The following UBE3D variants were observed in gnomAD, a reference collection of about 807,000 sequenced individuals.
The protein encoded by UBE3D is E3 ubiquitin-protein ligase E3D.
In UBE3D, 48 loss-of-function variants were observed where a neutral mutation model predicts 49.6. That is an observed-to-expected ratio of 0.97 (90% CI 0.77 to 1.23). The LOEUF (loss-of-function observed/expected upper bound fraction) is 1.23, where lower values mean the gene tolerates loss of function less well. Ranked by LOEUF, UBE3D falls within the 50% of genes most tolerant of loss-of-function variation. The pLI, the probability that UBE3D is intolerant of heterozygous loss-of-function variation, is 0.00. For missense variants in UBE3D, 452 were observed against 468.4 expected, an observed-to-expected ratio of 0.96 and a Z score of 0.32; for synonymous variants, 189 against 174.2, an observed-to-expected ratio of 1.08 and a Z score of -0.67.
chr6:83,003,052 CTTA>C (rs1198939768), intron 8 of UBE3D, among the ~76,000 whole-genome samples: 2 of 152,034 alleles, frequency 1.3e-5, no homozygotes, highest in African/African-American at 2.4e-5. Flanking sequence ...TTCAAAATCA[CTTA>C]TTAATACAGT....
intron 7 of UBE3D, 108 bp from the exon 8 acceptor site, chr6:83,019,244 A>G (rs1292987824): frequency 9.6e-7 from 1 of 1,046,844 alleles, no homozygotes; most frequent in Non-Finnish European, 1.3e-6. Context: ...GAAAAAATAA[A>G]TATGAGAATC....
At chr6:82,946,628 C>T (rs1006808210) in intron 9 of UBE3D, among the ~76,000 whole-genome samples, 20 of 152,176 alleles carry the variant, frequency 1.3e-4, no homozygotes, top group African/African-American at 4.8e-4. Context: ...AACACTGTAA[C>T]TGTGGTATGT....
chr6:83,023,598 C>A (rs1781251517), intron 6 of UBE3D, among the ~76,000 whole-genome samples: 1 of 152,178 alleles, frequency 6.6e-6, no homozygotes, highest in Admixed American at 6.5e-5. Context: ...CTGGATGTAA[C>A]TGGAGACTAT....
At chr6:82,957,541 G>C in intron 8 of UBE3D, 91 bp from the exon 9 acceptor site, 1 of 1,413,712 alleles carries the variant, frequency 7.1e-7, no homozygotes, top group Admixed American at 2.4e-5. Context: ...AATTGTGAGA[G>C]AAAAAGGCAA....
intron 3 of UBE3D, 65 bp downstream of exon 3, chr6:83,054,083 T>G: frequency 5.0e-6 from 7 of 1,402,908 alleles, no homozygotes; most frequent in Non-Finnish European, 7.1e-6. Flanking sequence ...CTTGAAAAAT[T>G]CTGATAGAAA....
At chr6:83,030,505 G>A (rs902564998) in intron 5 of UBE3D, among the ~76,000 whole-genome samples, 1 of 152,194 alleles carries the variant, frequency 6.6e-6, no homozygotes, top group Non-Finnish European at 1.5e-5. Flanking sequence ...TCAGCCATGT[G>A]GAACTGTGGG....
At chr6:83,040,378 A>ACTCTCT (rs59340440) in intron 4 of UBE3D, among the ~76,000 whole-genome samples, 1 of 146,860 alleles carries the variant, frequency 6.8e-6, no homozygotes, top group Admixed American at 6.8e-5. Flanking sequence ...AGCGAGACTG[A>ACTCTCT]CTCTCTCTCT....
intron 9 of UBE3D, among the ~76,000 whole-genome samples, chr6:82,906,200 T>C (rs9444020): frequency 0.22 from 33,589 of 151,900 alleles, 5,019 homozygotes; most frequent in African/African-American, 0.43. Flanking sequence ...CATATTACAA[T>C]TAATAAGTCT....
chr6:82,992,048 C>T (rs1482887357), intron 8 of UBE3D, among the ~76,000 whole-genome samples: 1 of 151,936 alleles, frequency 6.6e-6, no homozygotes, highest in African/African-American at 2.4e-5. Context: ...ATTACATTTT[C>T]TTTTGTTTTA....
At chr6:82,924,921 A>G (rs946131165) in intron 9 of UBE3D, 3 of 152,286 alleles carry the variant, frequency 2.0e-5, no homozygotes, top group Non-Finnish European at 4.4e-5. Context: ...ATTGTTCATC[A>G]TATCTGCTGG....
downstream of UBE3D, among the ~76,000 whole-genome samples, chr6:82,888,149 A>G (rs1313766572): frequency 6.6e-6 from 1 of 152,018 alleles, no homozygotes; most frequent in African/African-American, 2.4e-5. Flanking sequence ...AAAGCCTGCC[A>G]TGTCCTTTTT....
At chr6:83,037,096 G>A (rs1201717234) in intron 5 of UBE3D, 1 of 152,138 alleles carries the variant, frequency 6.6e-6, no homozygotes, top group Non-Finnish European at 1.5e-5. Flanking sequence ...TAGAAGTCTA[G>A]TAGCTGTATA....
intron 3 of UBE3D, among the ~76,000 whole-genome samples, chr6:83,048,770 TTTAAGAACAAAAGA>T (rs1396801512): frequency 2.0e-5 from 3 of 152,290 alleles, no homozygotes; most frequent in Middle Eastern, 3.4e-3. Flanking sequence ...ACATAAAACA[TTTAAGAACAAAAGA>T]TTTTAATCAT....
chr6:83,052,888 G>C (rs1158982879), intron 3 of UBE3D, among the ~76,000 whole-genome samples: 1 of 152,216 alleles, frequency 6.6e-6, no homozygotes, highest in Non-Finnish European at 1.5e-5. Flanking sequence ...AATGGATGAG[G>C]AGTTGGCAAC....
chr6:83,061,796 AT>A (rs1413675071), intron 1 of UBE3D, among the ~76,000 whole-genome samples: 2 of 152,136 alleles, frequency 1.3e-5, no homozygotes, highest in Non-Finnish European at 2.9e-5. Flanking sequence ...CTTTTTGTTT[AT>A]TTTCATGGAG....
chr6:83,030,405 A>G (rs1781783087), intron 5 of UBE3D, among the ~76,000 whole-genome samples: 2 of 152,082 alleles, frequency 1.3e-5, no homozygotes, highest in African/African-American at 4.8e-5. Context: ...TTTATAAAAG[A>G]CAGTTCCCCT....
At position 83,051,903 on chromosome 6, in the gene UBE3D, G is replaced by A. The variant is rs567679535; in HGVS notation, c.365+2245C>T. On this transcript the variant is annotated intron_variant, in intron 3 of 9. Transcript: ENST00000369747. ...CTGGGACACTGACAGAAATCAGGAA[G>A]CAAGCAAGAGAGGTTGGTAGAAGGC... Among the ~76,000 whole-genome samples the A allele has an allele frequency of 7.9e-5, 12 of 152,316 alleles. No individual in the cohort carries two copies. The East Asian group carries it at 2.3e-3, about 29-fold the overall frequency.
intron 9 of UBE3D, among the ~76,000 whole-genome samples, chr6:82,907,123 C>T (rs1019466670): frequency 6.6e-6 from 1 of 152,136 alleles, no homozygotes; most frequent in African/African-American, 2.4e-5. Context: ...AGGCTCACCA[C>T]AAAACTCCCT....
chr6:83,061,281 G>T (rs903217187), intron 1 of UBE3D, among the ~76,000 whole-genome samples: 1 of 152,154 alleles, frequency 6.6e-6, no homozygotes, highest in Admixed American at 6.5e-5. Context: ...GAAACAGACA[G>T]AGGAAGCATG....
Sources: gnomAD v4.1 joint callset for allele counts (sites outside exome capture counted in the v4.1 genomes callset) on GRCh38, gnomAD v4.1.1 for gene constraint, MANE v1.5 for transcripts, NCBI Gene and HGNC (gene_info 2026-07-23, HGNC 2026-07-21) for gene names.